RAB28: variants seen among roughly 807,000 people sequenced by gnomAD.
RAB28 encodes RAB28, member RAS oncogene family, also known as ras-related protein Rab-28.
In RAB28, 24 loss-of-function variants were observed where a neutral mutation model predicts 31.7. The ratio of observed to expected loss-of-function variants is 0.76; its 90% CI spans 0.55 to 1.06. The LOEUF (loss-of-function observed/expected upper bound fraction) is 1.06. Among genes scored for constraint, RAB28 ranks in the 50% least tolerant of loss-of-function variants. The pLI, the probability that RAB28 is intolerant of heterozygous loss-of-function variation, is 0.00. For synonymous variants in RAB28, 100 were observed against 90.4 expected (o/e 1.11, Z -0.60); for missense variants, 254 against 258.5 (o/e 0.98, Z 0.12).
chr4:13,388,052 A>T (rs1473213844), intron 4 of RAB28, among the ~76,000 whole-genome samples: 1 of 148,808 alleles, frequency 6.7e-6, no homozygotes, highest in East Asian at 1.9e-4. Context: ...ATTTTGTAAG[A>T]TCTTTTAACA....
intron 4 of RAB28, among the ~76,000 whole-genome samples, chr4:13,396,315 C>T (rs1355243299): frequency 6.6e-6 from 1 of 152,006 alleles, no homozygotes; most frequent in Non-Finnish European, 1.5e-5. Flanking sequence ...CAGGAAGTTA[C>T]TCCAAACACA....
chr4:13,368,134 T>G lies in RAB28; in HGVS notation c.*424A>C, dbSNP rs1485953035. ...GGTAAAATATATTACTTGCTTAATG[T>G]TTGCACTCTGAAGTATACTTTGACA... On this transcript the variant is annotated 3_prime_UTR_variant, in exon 7 of 7. Transcript: ENST00000330852. 3.0e-6 allele frequency: 3 copies of G among 985,078 alleles called. No homozygotes were observed. In the African/African-American group the frequency reaches 5.2e-5, roughly 17 times the overall value. 61.0% of individuals were successfully genotyped at this position (985,078 alleles called of 1,614,324 possible).
chr4:13,460,671 C>T (rs1282613578), intron 4 of RAB28, 28 bp downstream of exon 4: 1 of 1,613,166 alleles, frequency 6.2e-7, no homozygotes, highest in African/African-American at 1.3e-5. Context: ...TAAACTGTAC[C>T]ATACATAAAC....
chr4:13,371,963 C>A (rs1317432446), intron 6 of RAB28: 3 of 1,209,696 alleles, frequency 2.5e-6, no homozygotes, highest in Non-Finnish European at 3.6e-6. Flanking sequence ...AAGTGGCAGC[C>A]ATGGAGGGCA....
rs1456513923 is a variant in RAB28, at chr4:13,484,226, G to C, written c.-76C>G. ...ATGAAGGCTCCGGGGGCGGGGGAGA[G>C]GAGGAAGGGAGGTAGTTGCGGCAGG... On this transcript the variant is annotated 5_prime_UTR_variant, in exon 1 of 7. Transcript: ENST00000330852. The C allele has an allele frequency of 8.5e-7, 1 of 1,175,806 alleles. No homozygotes were observed. The highest frequency in any genetic ancestry group is 1.5e-5 in the African/African-American group (1 of 65,754). 72.8% of individuals were successfully genotyped at this position (1,175,806 alleles called of 1,614,324 possible). A position where few individuals can be genotyped will look rare whatever the true frequency, so the allele number is the denominator to read the frequency against.
intron 3 of RAB28, among the ~76,000 whole-genome samples, chr4:13,463,928 A>G (rs1277328219): frequency 6.6e-6 from 1 of 152,140 alleles, no homozygotes; most frequent in Non-Finnish European, 1.5e-5. Context: ...TGACCTTACA[A>G]TAAGAAAAAG....
chr4:13,455,487 G>A (rs1380391015), intron 4 of RAB28, among the ~76,000 whole-genome samples: 1 of 152,190 alleles, frequency 6.6e-6, no homozygotes, highest in Non-Finnish European at 1.5e-5. Context: ...CACACATTTG[G>A]GCTTGGTGGA....
At chr4:13,393,855 C>CAAAAA (rs759509251) in intron 4 of RAB28, among the ~76,000 whole-genome samples, 24 of 79,272 alleles carry the variant, frequency 3.0e-4, no homozygotes, top group East Asian at 5.6e-4. Context: ...TCACAGGCTA[C>CAAAAA]AAAAAAAAAA....
intron 4 of RAB28, among the ~76,000 whole-genome samples, chr4:13,443,648 C>T (rs1018723969): frequency 6.6e-6 from 1 of 152,162 alleles, no homozygotes; most frequent in Non-Finnish European, 1.5e-5. Flanking sequence ...CTAATTAACA[C>T]ACCCATAACC....
chr4:13,473,716 T>G (rs1716220080), intron 3 of RAB28: 2 of 272,390 alleles, frequency 7.3e-6, no homozygotes, highest in African/African-American at 4.6e-5. Context: ...TTGCGAAATT[T>G]ATGTAATTAT....
At chr4:13,386,585 A>G (rs760622221) in intron 4 of RAB28, among the ~76,000 whole-genome samples, 2 of 151,568 alleles carry the variant, frequency 1.3e-5, no homozygotes, top group Non-Finnish European at 1.5e-5. Flanking sequence ...GAATGGAAAA[A>G]CCCAAAAAAT....
At chr4:13,467,833 T>G (rs1715933971) in intron 3 of RAB28, among the ~76,000 whole-genome samples, 1 of 151,946 alleles carries the variant, frequency 6.6e-6, no homozygotes, top group South Asian at 2.1e-4. Context: ...AAAGACATAT[T>G]GTCAAAGGAG....
chr4:13,472,109 G>T (rs1159296396), intron 3 of RAB28, among the ~76,000 whole-genome samples: 1 of 151,902 alleles, frequency 6.6e-6, no homozygotes, highest in Non-Finnish European at 1.5e-5. Context: ...ACAAAATATT[G>T]TGAGTGTACT....
chr4:13,482,135 T>A (rs1489798112), intron 1 of RAB28, among the ~76,000 whole-genome samples: 1 of 152,132 alleles, frequency 6.6e-6, no homozygotes, highest in Non-Finnish European at 1.5e-5. Context: ...TTAACTGTTA[T>A]CCTTTGAAGC....
intron 2 of RAB28, 28 bp downstream of exon 2, chr4:13,479,400 CTT>C (rs1258795827): frequency 1.3e-6 from 2 of 1,483,020 alleles, no homozygotes; most frequent in Non-Finnish European, 1.9e-6. Flanking sequence ...TTTTTATAAT[CTT>C]CTACGTTAAG....
chr4:13,478,157 G>A (rs1454643653), intron 2 of RAB28, among the ~76,000 whole-genome samples: 2 of 151,534 alleles, frequency 1.3e-5, no homozygotes, highest in East Asian at 3.9e-4. Flanking sequence ...GCTAGTGACT[G>A]CTGTTAAGTA....
chr4:13,374,154 A>T (rs1260526716), intron 6 of RAB28, among the ~76,000 whole-genome samples: 4 of 152,164 alleles, frequency 2.6e-5, no homozygotes, highest in African/African-American at 7.2e-5. Flanking sequence ...GAATTTTGAC[A>T]AACATATAGA....
At position 13,420,005 on chromosome 4, in the gene RAB28, G is replaced by A. The variant is rs141280021; in HGVS notation, c.392-38411C>T. Among the ~76,000 whole-genome samples the A allele has an allele frequency of 8.1e-3, 1,229 of 151,778 alleles. 15 individuals carry two copies. The highest frequency in any genetic ancestry group is 0.028 in the African/African-American group (1,152 of 41,374). ...AAAAGATCCACAAAATTGATAGACC[G>A]TTAGCAAGACTAATAAAGAAAAAAA... On this transcript the variant is annotated intron_variant, in intron 4 of 6. Transcript: ENST00000330852.
chr4:13,419,611 A>G (rs180882768), intron 4 of RAB28, among the ~76,000 whole-genome samples: 1,759 of 152,316 alleles, frequency 0.012, 12 homozygotes, highest in Non-Finnish European at 0.018. Flanking sequence ...TCAAAACCAC[A>G]TAACTACATG....
Sources: gnomAD v4.1 joint callset for allele counts (sites outside exome capture counted in the v4.1 genomes callset) on GRCh38, gnomAD v4.1.1 for gene constraint, MANE v1.5 for transcripts, NCBI Gene and HGNC (gene_info 2026-07-23, HGNC 2026-07-21) for gene names.